The following HDAC9 variants were observed in gnomAD, a reference collection of about 807,000 sequenced individuals.
HDAC9 encodes histone deacetylase 9, also known as MEF-2 interacting transcription repressor (MITR) protein.
Under a neutral mutation model 139.4 loss-of-function variants are expected in HDAC9, and 41 were observed. That is an observed-to-expected ratio of 0.29 (90% CI 0.23 to 0.38). HDAC9 has a LOEUF of 0.38. HDAC9 is among the 10% of genes least tolerant of loss of function. The pLI is 1.00. For synonymous variants in HDAC9, 517 were observed against 476.2 expected (o/e 1.09, Z -1.12); for missense variants, 1,147 against 1,297.0 (o/e 0.88, Z 1.78).
At chr7:18,343,491 A>T (rs12539678) in intron 1 of HDAC9, among the ~76,000 whole-genome samples, 1 of 151,710 alleles carries the variant, frequency 6.6e-6, no homozygotes, top group Non-Finnish European at 1.5e-5. Context: ...AATGTTGCCT[A>T]GTGTATGGTG....
At chr7:18,926,532 A>G (rs1008352195) in intron 22 of HDAC9, among the ~76,000 whole-genome samples, 9 of 152,240 alleles carry the variant, frequency 5.9e-5, no homozygotes, top group African/African-American at 2.2e-4. Flanking sequence ...ATAATAACTC[A>G]TATCTAATAG....
chr7:18,366,404 C>G (rs1023898111), intron 1 of HDAC9, among the ~76,000 whole-genome samples: 5 of 152,100 alleles, frequency 3.3e-5, no homozygotes, highest in Non-Finnish European at 4.4e-5. Flanking sequence ...GCCCAGGACA[C>G]CAGACCTAGA....
chr7:18,752,619 C>A (rs1270581101), intron 14 of HDAC9, among the ~76,000 whole-genome samples: 1 of 152,082 alleles, frequency 6.6e-6, no homozygotes, highest in Non-Finnish European at 1.5e-5. Context: ...CTTAGGTTAT[C>A]ATTCTCTCCT....
Position 18,245,832 on chromosome 7 carries a change from G to A in HDAC9, c.25+83483G>A, listed in dbSNP as rs995147182. Among the ~76,000 whole-genome samples the A allele has an allele frequency of 6.6e-5, 10 of 152,042 alleles. 1 individual carries two copies. The South Asian group carries it at 2.1e-3, about 32-fold the overall frequency. On this transcript the variant is annotated intron_variant, in intron 2 of 12. Transcript: ENST00000417496. The stretch of plus-strand genomic sequence containing the variant: ...TTCACCATTGAATCCCTAACATTCA[G>A]CAAACCTCTTGGCTCAGGAGGCCTG...
chr7:18,440,538 C>A (rs1791661228), intron 1 of HDAC9, among the ~76,000 whole-genome samples: 1 of 152,012 alleles, frequency 6.6e-6, no homozygotes, highest in South Asian at 2.1e-4. Context: ...CTGTGATTCC[C>A]CCATAAGTGA....
intron 12 of HDAC9, among the ~76,000 whole-genome samples, chr7:18,671,248 T>G (rs940320654): frequency 6.6e-6 from 1 of 152,038 alleles, no homozygotes; most frequent in Non-Finnish European, 1.5e-5. Flanking sequence ...AGTTGTCACG[T>G]TCTAGACCTC....
intron 16 of HDAC9, among the ~76,000 whole-genome samples, chr7:18,788,594 A>C (rs1320619014): frequency 6.6e-6 from 1 of 151,958 alleles, no homozygotes; most frequent in Non-Finnish European, 1.5e-5. Flanking sequence ...ATCTCTACTA[A>C]AAATACAAAA....
intron 17 of HDAC9, among the ~76,000 whole-genome samples, chr7:18,796,780 G>A (rs553824269): frequency 7.2e-5 from 11 of 152,096 alleles, no homozygotes; most frequent in Non-Finnish European, 1.6e-4. Context: ...CATAGAAATA[G>A]CTCTAAAAGG....
intron 1 of HDAC9, among the ~76,000 whole-genome samples, chr7:18,383,948 T>C (rs949721662): frequency 1.3e-5 from 2 of 151,990 alleles, no homozygotes; most frequent in African/African-American, 4.8e-5. Flanking sequence ...TTTAAATTTC[T>C]TTGTCTTAAA....
At chr7:18,172,545 G>A (rs1788535096) in intron 2 of HDAC9, among the ~76,000 whole-genome samples, 1 of 152,002 alleles carries the variant, frequency 6.6e-6, no homozygotes, top group Non-Finnish European at 1.5e-5. Flanking sequence ...GTGATGTTAC[G>A]GTGTTGATTT....
chr7:18,651,230 CA>C (rs1479045645), intron 11 of HDAC9, among the ~76,000 whole-genome samples: 3 of 152,068 alleles, frequency 2.0e-5, no homozygotes, highest in Non-Finnish European at 4.4e-5. Context: ...AAGAAATCAC[CA>C]CAGAAATTTT....
chr7:18,112,924 G>C (rs1783722823), intron 1 of HDAC9, among the ~76,000 whole-genome samples: 1 of 152,258 alleles, frequency 6.6e-6, no homozygotes, highest in East Asian at 1.9e-4. Flanking sequence ...GCGTTTGTTT[G>C]TTTGTGTTTT....
chr7:18,182,933 G>A (rs758665455), intron 2 of HDAC9, among the ~76,000 whole-genome samples: 1 of 152,146 alleles, frequency 6.6e-6, no homozygotes, highest in East Asian at 1.9e-4. Context: ...GAAGAGTAGA[G>A]GGACAAGACT....
chr7:18,439,842 C>T (rs974229339), intron 1 of HDAC9, among the ~76,000 whole-genome samples: 7 of 152,190 alleles, frequency 4.6e-5, no homozygotes, highest in Non-Finnish European at 1.0e-4. Flanking sequence ...CATACACACA[C>T]ACAAACACAC....
At chr7:18,752,383 G>C (rs1397179550) in intron 14 of HDAC9, among the ~76,000 whole-genome samples, 1 of 152,070 alleles carries the variant, frequency 6.6e-6, no homozygotes, top group Non-Finnish European at 1.5e-5. Flanking sequence ...CTCGACAGAG[G>C]AAGTTGGGTC....
chr7:18,282,448 T>C (rs1253189636), intron 2 of HDAC9, among the ~76,000 whole-genome samples: 2 of 152,216 alleles, frequency 1.3e-5, no homozygotes, highest in African/African-American at 4.8e-5. Flanking sequence ...AAAAACATTT[T>C]ACTTCTTAGG....
At chr7:18,548,613 C>G (rs1816014264) in intron 2 of HDAC9, among the ~76,000 whole-genome samples, 1 of 152,084 alleles carries the variant, frequency 6.6e-6, no homozygotes, top group African/African-American at 2.4e-5. Flanking sequence ...AAAAGCAACA[C>G]TTTTGTAACA....
chr7:18,614,111 T>G (rs1837935162), intron 6 of HDAC9, among the ~76,000 whole-genome samples: 1 of 152,166 alleles, frequency 6.6e-6, no homozygotes, highest in South Asian at 2.1e-4. Context: ...TTAACCCAGC[T>G]TTCTCATCTA....
At chr7:18,168,475 T>C (rs1305893020) in intron 2 of HDAC9, among the ~76,000 whole-genome samples, 1 of 152,218 alleles carries the variant, frequency 6.6e-6, no homozygotes, top group Non-Finnish European at 1.5e-5. Context: ...GTACAGCCCT[T>C]TGTTTATAAC....
Sources: allele counts gnomAD v4.1 joint callset (sites outside exome capture counted in the v4.1 genomes callset), GRCh38; gene constraint gnomAD v4.1.1; transcripts MANE v1.5; gene names NCBI Gene and HGNC (gene_info 2026-07-23, HGNC 2026-07-21).